Variants in TNFSF4 observed in about 807,000 individuals in gnomAD.
The protein encoded by TNFSF4 is tumor necrosis factor ligand superfamily member 4.
A neutral mutation model predicts 7.3 loss-of-function variants in TNFSF4; 4 were observed. The ratio of observed to expected loss-of-function variants is 0.55; its 90% CI spans 0.27 to 1.25. TNFSF4 has a LOEUF of 1.25. TNFSF4 is among the 50% of genes most tolerant of loss of function. TNFSF4 has a pLI of 0.12. For missense variants in TNFSF4, 181 were observed against 208.8 expected (o/e 0.87, Z 0.82); for synonymous variants, 76 against 83.7 (o/e 0.91, Z 0.50).
the TNFSF4 span, among the ~76,000 whole-genome samples, chr1:173,400,092 CTT>C: frequency 1.2e-4 from 18 of 152,230 alleles, no homozygotes; most frequent in African/African-American, 4.1e-4. Context: ...TACAGAATGA[CTT>C]ATCCACTGTC....
At chr1:173,200,331 C>T (rs1180878859) in intron 1 of TNFSF4, among the ~76,000 whole-genome samples, 2 of 152,138 alleles carry the variant, frequency 1.3e-5, no homozygotes, top group South Asian at 2.1e-4. Flanking sequence ...TCTCCAAGGT[C>T]TTAGTGAAGA....
chr1:173,393,124 A>G, the TNFSF4 span, among the ~76,000 whole-genome samples: 20 of 152,296 alleles, frequency 1.3e-4, 1 homozygote, highest in East Asian at 3.7e-3. Context: ...CCAGAGACGT[A>G]GATGAGGGCA....
chr1:173,425,075 C>T, the TNFSF4 span, among the ~76,000 whole-genome samples: 1 of 152,196 alleles, frequency 6.6e-6, no homozygotes, highest in African/African-American at 2.4e-5. Context: ...TTCCACCCAG[C>T]CACATATGAC....
the TNFSF4 span, among the ~76,000 whole-genome samples, chr1:173,435,080 C>T: frequency 2.6e-5 from 4 of 152,158 alleles, no homozygotes; most frequent in Admixed American, 6.6e-5. Flanking sequence ...CTCTCAGCTT[C>T]GTGGTCACTC....
At chr1:173,323,384 G>A in the TNFSF4 span, among the ~76,000 whole-genome samples, 2 of 152,170 alleles carry the variant, frequency 1.3e-5, no homozygotes, top group Admixed American at 6.5e-5. Flanking sequence ...AAACCCATCT[G>A]TACATCACCA....
the TNFSF4 span, among the ~76,000 whole-genome samples, chr1:173,248,870 A>C: frequency 6.6e-6 from 1 of 152,240 alleles, no homozygotes; most frequent in Non-Finnish European, 1.5e-5. Context: ...CTTTATTTTA[A>C]TCTACTTGAT....
At chr1:173,202,859 C>T (rs921674178) in intron 1 of TNFSF4, among the ~76,000 whole-genome samples, 2 of 152,130 alleles carry the variant, frequency 1.3e-5, no homozygotes, top group African/African-American at 2.4e-5. Flanking sequence ...TTCCCATCCG[C>T]TTGTCTGCTT....
chr1:173,323,946 T>A, the TNFSF4 span, among the ~76,000 whole-genome samples: 1 of 152,186 alleles, frequency 6.6e-6, no homozygotes, highest in Non-Finnish European at 1.5e-5. Context: ...CTGCAGGATA[T>A]TGTCCACAAG....
At chr1:173,274,947 G>T in the TNFSF4 span, among the ~76,000 whole-genome samples, 1 of 152,014 alleles carries the variant, frequency 6.6e-6, no homozygotes, top group African/African-American at 2.4e-5. Flanking sequence ...TGAGTTAATT[G>T]CCTGTTCACA....
chr1:173,347,399 T>C, the TNFSF4 span, among the ~76,000 whole-genome samples: 1 of 152,212 alleles, frequency 6.6e-6, no homozygotes, highest in Non-Finnish European at 1.5e-5. Context: ...AATTTCTTTT[T>C]GTATTTACCC....
At chr1:173,371,641 A>T in the TNFSF4 span, among the ~76,000 whole-genome samples, 105,706 of 151,996 alleles carry the variant, frequency 0.7, 36,970 homozygotes, top group African/African-American at 0.77. Context: ...CACACCCCAA[A>T]TCTAGGAGTA....
chr1:173,401,402 TGTGA>T, the TNFSF4 span, among the ~76,000 whole-genome samples: 1 of 152,200 alleles, frequency 6.6e-6, no homozygotes, highest in Non-Finnish European at 1.5e-5. Flanking sequence ...AAAGATTATT[TGTGA>T]GTGTGTCTGT....
At chr1:173,365,958 T>C in the TNFSF4 span, among the ~76,000 whole-genome samples, 1 of 152,238 alleles carries the variant, frequency 6.6e-6, no homozygotes. Flanking sequence ...TTAAGATTTA[T>C]GTCTTATACA....
the TNFSF4 span, among the ~76,000 whole-genome samples, chr1:173,442,878 T>C: frequency 6.6e-6 from 1 of 151,626 alleles, no homozygotes; most frequent in African/African-American, 2.4e-5. Context: ...AGAGACGGAG[T>C]TTCACCACGT....
At position 173,186,454 on chromosome 1, in the gene TNFSF4, C is replaced by G; in HGVS notation, c.*62G>C. On this transcript the variant is annotated 3_prime_UTR_variant, in exon 3 of 3. Transcript: ENST00000281834. Reference sequence around the variant, plus strand: ...TTCACTTGCAATGAAGAATCCATGCCCTGTCCACCCCCAGCTTGGTGTTCA... The same window carrying G: ...TTCACTTGCAATGAAGAATCCATGCGCTGTCCACCCCCAGCTTGGTGTTCA... 3 of 1,381,100 alleles carry G rather than the reference C, an allele frequency of 2.2e-6. No individual in the cohort carries two copies. In the East Asian group the frequency reaches 6.9e-5, roughly 32 times the overall value. 85.6% of individuals were successfully genotyped at this position (1,381,100 alleles called of 1,614,324 possible).
In TNFSF4 at chr1:173,186,850, T is replaced by TGAAGGTGCAGAACAAC; in HGVS notation, c.217_218insGTTGTTCTGCACCTTC (p.Lys73SerfsTer17). 1 of 1,598,722 alleles carries TGAAGGTGCAGAACAAC rather than the reference T, an allele frequency of 6.3e-7. No homozygotes were observed. The highest frequency in any genetic ancestry group is 8.5e-7 in the Non-Finnish European group (1 of 1,171,944). On this transcript the variant is annotated frameshift_variant, in exon 3 of 3. Transcript: ENST00000281834. LOFTEE classifies it low-confidence loss of function (END_TRUNC). ...CTTTTGGGAAGTGAGGATGAAACCT[T>TGAAGGTGCAGAACAAC]TCTCCTTCTTATATTCTAGGGAGGA...
At chr1:173,256,043 A>C in the TNFSF4 span, among the ~76,000 whole-genome samples, 1 of 152,376 alleles carries the variant, frequency 6.6e-6, no homozygotes, top group Admixed American at 6.5e-5. Flanking sequence ...AAACGCACCA[A>C]GGCTGAACTT....
chr1:173,181,614 C>A (rs554033602), downstream of TNFSF4, among the ~76,000 whole-genome samples: 8 of 152,150 alleles, frequency 5.3e-5, no homozygotes, highest in Non-Finnish European at 1.0e-4. Context: ...ATACTCTGAG[C>A]GCTCAATCTC....
the TNFSF4 span, among the ~76,000 whole-genome samples, chr1:173,330,858 T>C: frequency 6.6e-6 from 1 of 151,716 alleles, no homozygotes. Flanking sequence ...TAAAATAATA[T>C]GCTTCTTTCT....
Sources: allele counts gnomAD v4.1 joint callset (sites outside exome capture counted in the v4.1 genomes callset), GRCh38; gene constraint gnomAD v4.1.1; transcripts MANE v1.5; gene names NCBI Gene and HGNC (gene_info 2026-07-23, HGNC 2026-07-21).